MALRD1: variants seen among roughly 807,000 people sequenced by gnomAD.
MALRD1 encodes MAM and LDL receptor class A domain containing 1.
In MALRD1, 247 loss-of-function variants were observed where a neutral mutation model predicts 242.1. The ratio of observed to expected loss-of-function variants is 1.02; its 90% CI spans 0.92 to 1.13. The LOEUF (loss-of-function observed/expected upper bound fraction) is 1.13, where lower values mean the gene tolerates loss of function less well. Among genes scored for constraint, MALRD1 ranks in the 50% most tolerant of loss-of-function variants. The pLI is 0.00. For missense variants in MALRD1, 2,989 were observed against 2,533.1 expected (o/e 1.18, Z -3.86); for synonymous variants, 995 against 866.6 (o/e 1.15, Z -2.60).
intron 31 of MALRD1, among the ~76,000 whole-genome samples, chr10:19,503,954 C>T (rs2131265164): frequency 6.6e-6 from 1 of 152,300 alleles, no homozygotes; most frequent in African/African-American, 2.4e-5. Context: ...AATATGCTGA[C>T]TGACAAGAGC....
chr10:19,645,964 A>G (rs538652001), intron 36 of MALRD1, among the ~76,000 whole-genome samples: 2 of 152,306 alleles, frequency 1.3e-5, no homozygotes, highest in African/African-American at 4.8e-5. Context: ...CTGTTTTCCT[A>G]CGAAAACAAA....
At chr10:19,422,328 A>G (rs1016656625) in intron 28 of MALRD1, among the ~76,000 whole-genome samples, 7 of 152,210 alleles carry the variant, frequency 4.6e-5, no homozygotes, top group Non-Finnish European at 8.8e-5. Context: ...CAAACAAAAC[A>G]ATAACAAAGC....
Position 19,643,829 on chromosome 10 carries a change from C to T in MALRD1, c.6137+27906C>T, listed in dbSNP as rs1226615728. Among the ~76,000 whole-genome samples the T allele has an allele frequency of 2.6e-5, 4 of 152,120 alleles. No homozygotes were observed. In the South Asian group the frequency reaches 6.2e-4, roughly 24 times the overall value. On this transcript the variant is annotated intron_variant, in intron 36 of 39. Coordinates refer to ENST00000454679, the MANE Select transcript of MALRD1 (RefSeq NM_001142308.3). ...CTGGAATGCTGGCCATCCTGGGCTG[C>T]GTCAAGAGGCTCCCTTATCCTCTGG...
At chr10:19,606,208 A>G (rs1838616205) in intron 34 of MALRD1, among the ~76,000 whole-genome samples, 1 of 152,172 alleles carries the variant, frequency 6.6e-6, no homozygotes, top group African/African-American at 2.4e-5. Context: ...CAATATCTGT[A>G]TAAGAACCAT....
chr10:19,164,819 C>G (rs1834600624), intron 12 of MALRD1, among the ~76,000 whole-genome samples: 1 of 152,018 alleles, frequency 6.6e-6, no homozygotes, highest in Admixed American at 6.5e-5. Flanking sequence ...GTTAAGCCAT[C>G]AAACCTTTAG....
Position 19,595,204 on chromosome 10 carries a change from A to G in MALRD1, c.5691A>G (p.Pro1897=). The G allele has an allele frequency of 9.0e-6, 14 of 1,549,412 alleles. No homozygotes were observed. The highest frequency in any genetic ancestry group is 1.2e-5 in the Non-Finnish European group (14 of 1,146,192). Residue 1897 remains proline, a synonymous_variant, in exon 34 of 40, where the codon CCA becomes CCG. Transcript: ENST00000454679. The part of the protein sequence containing the change: ...TPECVTGGPV[P]VQPSPCEADQ... ...TGCTCTCTTTTTTAGGTCCTGTCCCAGTGCAGCCATCACCCTGTGAAGCTG... is the reference window on the plus strand; with the variant it reads ...TGCTCTCTTTTTTAGGTCCTGTCCCGGTGCAGCCATCACCCTGTGAAGCTG...
intron 32 of MALRD1, among the ~76,000 whole-genome samples, chr10:19,551,939 G>A (rs1333515009): frequency 6.6e-6 from 1 of 152,042 alleles, no homozygotes; most frequent in East Asian, 1.9e-4. Context: ...AGGGATGAAG[G>A]CTACTTGATT....
intron 29 of MALRD1, among the ~76,000 whole-genome samples, chr10:19,472,714 G>T (rs1836554513): frequency 6.6e-6 from 1 of 151,598 alleles, no homozygotes; most frequent in Non-Finnish European, 1.5e-5. Flanking sequence ...AGTATCATAT[G>T]ATCCTTTGTA....
intron 28 of MALRD1, among the ~76,000 whole-genome samples, chr10:19,409,372 T>C (rs761951248): frequency 2.6e-5 from 4 of 152,110 alleles, no homozygotes; most frequent in South Asian, 2.1e-4. Context: ...GGAAGACCAC[T>C]TGGGCTCAGG....
At chr10:19,662,509 G>A (rs1049008387) in intron 36 of MALRD1, among the ~76,000 whole-genome samples, 1 of 152,032 alleles carries the variant, frequency 6.6e-6, no homozygotes, top group African/African-American at 2.4e-5. Flanking sequence ...GAATCCAAAG[G>A]ACTCTCCCAC....
chr10:19,266,275 T>A (rs1839973002), intron 19 of MALRD1, among the ~76,000 whole-genome samples: 1 of 151,934 alleles, frequency 6.6e-6, no homozygotes, highest in South Asian at 2.1e-4. Context: ...CCTAGCTGTT[T>A]CGTAGATCTT....
intron 1 of MALRD1, among the ~76,000 whole-genome samples, chr10:19,065,696 T>C (rs1411234234): frequency 6.6e-6 from 1 of 152,204 alleles, no homozygotes; most frequent in Non-Finnish European, 1.5e-5. Context: ...GGGTAGGTAT[T>C]GTGAACAACC....
chr10:19,586,802 A>G lies in MALRD1; in HGVS notation c.5681-8392A>G, dbSNP rs528902780. ...TTGTTTACCTAAGCAAGCCTGGGCA[A>G]TGGCAGGTGCCCCTCCCCCAGCCTC... On this transcript the variant is annotated intron_variant, in intron 33 of 39. Transcript: ENST00000454679. Among the ~76,000 whole-genome samples, 389 of 152,300 alleles carry G rather than the reference A, an allele frequency of 2.6e-3. 2 individuals are homozygous for G. Among genetic ancestry groups the G allele is most frequent in the African/African-American group, 7.6e-3 (316 of 41,570 alleles).
At chr10:19,432,676 C>A (rs1211969556) in intron 28 of MALRD1, among the ~76,000 whole-genome samples, 2 of 152,080 alleles carry the variant, frequency 1.3e-5, no homozygotes, top group Admixed American at 6.6e-5. Flanking sequence ...GTGAAAGGTG[C>A]TATAAAAAAG....
chr10:19,324,902 T>A (rs1277564858), intron 22 of MALRD1, among the ~76,000 whole-genome samples: 1 of 145,386 alleles, frequency 6.9e-6, no homozygotes, highest in Non-Finnish European at 1.5e-5. Flanking sequence ...TTACTTTTGT[T>A]TTTTTTTGTT....
At chr10:19,287,569 G>T (rs757061034) in intron 21 of MALRD1, among the ~76,000 whole-genome samples, 1 of 151,932 alleles carries the variant, frequency 6.6e-6, no homozygotes, top group African/African-American at 2.4e-5. Flanking sequence ...GATGTTTTAT[G>T]ATCTTAATGT....
At chr10:19,663,765 A>G (rs1841549184) in intron 36 of MALRD1, among the ~76,000 whole-genome samples, 1 of 152,084 alleles carries the variant, frequency 6.6e-6, no homozygotes, top group African/African-American at 2.4e-5. Flanking sequence ...CCATTTCAGA[A>G]TAATTCACTT....
At chr10:19,447,073 C>CAG (rs1235195221) in intron 28 of MALRD1, among the ~76,000 whole-genome samples, 68 of 118,390 alleles carry the variant, frequency 5.7e-4, no homozygotes, top group African/African-American at 1.7e-3. Context: ...TACACAGACA[C>CAG]ACACACACAC....
At chr10:19,257,907 C>T (rs1206097805) in intron 19 of MALRD1, 136 bp downstream of exon 19, 1 of 559,054 alleles carries the variant, frequency 1.8e-6, no homozygotes, top group Non-Finnish European at 3.0e-6. Flanking sequence ...ACTATTAACT[C>T]TGGAAAAGAT....
Sources: gnomAD v4.1 joint callset for allele counts (sites outside exome capture counted in the v4.1 genomes callset) on GRCh38, gnomAD v4.1.1 for gene constraint, MANE v1.5 for transcripts, NCBI Gene and HGNC (gene_info 2026-07-23, HGNC 2026-07-21) for gene names.